The following ADGRB3 variants were observed in gnomAD, a reference collection of about 807,000 sequenced individuals.
ADGRB3 encodes adhesion G protein-coupled receptor B3, also known as brain-specific angiogenesis inhibitor 3.
In ADGRB3, 37 loss-of-function variants were observed where a neutral mutation model predicts 193.4. The ratio of observed to expected loss-of-function variants is 0.19; its 90% CI spans 0.15 to 0.25. The LOEUF is 0.25. Among genes scored for constraint, ADGRB3 ranks in the 10% least tolerant of loss-of-function variants. The pLI is 1.00. For synonymous variants in ADGRB3, 690 were observed against 644.2 expected, an observed-to-expected ratio of 1.07 and a Z score of -1.08; for missense variants, 1,637 against 1,852.9, an observed-to-expected ratio of 0.88 and a Z score of 2.14.
At chr6:68,648,587 A>C (rs974938039) in intron 3 of ADGRB3, among the ~76,000 whole-genome samples, 2 of 151,208 alleles carry the variant, frequency 1.3e-5, no homozygotes, top group African/African-American at 4.9e-5. Context: ...ATGCTTAAAA[A>C]TCATTAAGAA....
intron 16 of ADGRB3, among the ~76,000 whole-genome samples, chr6:69,063,396 TAAAA>T (rs1379065333): frequency 6.6e-6 from 1 of 152,006 alleles, no homozygotes; most frequent in Non-Finnish European, 1.5e-5. Flanking sequence ...ATGAGGTGAG[TAAAA>T]GCCTGTTAAC....
At chr6:69,083,673 T>A (rs1183349322) in intron 17 of ADGRB3, among the ~76,000 whole-genome samples, 1 of 152,132 alleles carries the variant, frequency 6.6e-6, no homozygotes, top group East Asian at 1.9e-4. Flanking sequence ...GATTCCACCA[T>A]TCATTTTTAC....
At chr6:68,966,949 T>A (rs1428245739) in intron 8 of ADGRB3, among the ~76,000 whole-genome samples, 1 of 152,208 alleles carries the variant, frequency 6.6e-6, no homozygotes, top group Non-Finnish European at 1.5e-5. Context: ...AAAGCTATTT[T>A]GCTTTTGGTA....
intron 17 of ADGRB3, among the ~76,000 whole-genome samples, chr6:69,082,159 T>G (rs990470588): frequency 6.6e-6 from 1 of 152,086 alleles, no homozygotes; most frequent in Non-Finnish European, 1.5e-5. Context: ...ACTCCTAAAA[T>G]ATTTACTATT....
At chr6:68,677,271 ATGTAC>A (rs1769115995) in intron 3 of ADGRB3, among the ~76,000 whole-genome samples, 1 of 152,192 alleles carries the variant, frequency 6.6e-6, no homozygotes, top group African/African-American at 2.4e-5. Flanking sequence ...CTAGTAAAAG[ATGTAC>A]TGTCCTCAGT....
intron 17 of ADGRB3, among the ~76,000 whole-genome samples, chr6:69,113,856 A>G (rs1773445514): frequency 6.6e-6 from 1 of 152,202 alleles, no homozygotes; most frequent in South Asian, 2.1e-4. Flanking sequence ...ATTTAGATAG[A>G]TATTAATGAT....
chr6:69,037,828 A>C (rs1157272169), intron 13 of ADGRB3, among the ~76,000 whole-genome samples: 1 of 152,152 alleles, frequency 6.6e-6, no homozygotes, highest in East Asian at 1.9e-4. Flanking sequence ...AGGTGTCGGC[A>C]CAAATGTCAG....
At chr6:68,919,189 A>G (rs1238707319) in intron 3 of ADGRB3, among the ~76,000 whole-genome samples, 1 of 152,192 alleles carries the variant, frequency 6.6e-6, no homozygotes, top group Non-Finnish European at 1.5e-5. Flanking sequence ...CCGGCGTCCT[A>G]TCTTTATATA....
At chr6:68,950,251 C>T (rs1767880218) in intron 6 of ADGRB3, among the ~76,000 whole-genome samples, 1 of 151,994 alleles carries the variant, frequency 6.6e-6, no homozygotes, top group South Asian at 2.1e-4. Flanking sequence ...GCAACACGGT[C>T]CCACTGTATT....
At chr6:69,302,998 A>G (rs1433671725) in intron 20 of ADGRB3, among the ~76,000 whole-genome samples, 1 of 151,958 alleles carries the variant, frequency 6.6e-6, no homozygotes, top group Non-Finnish European at 1.5e-5. Flanking sequence ...ACATAAGACA[A>G]CTTGATGGAG....
chr6:68,875,259 C>A (rs1765567491), intron 3 of ADGRB3, among the ~76,000 whole-genome samples: 1 of 122,884 alleles, frequency 8.1e-6, no homozygotes, highest in African/African-American at 3.1e-5. Context: ...CCTCCCCTCC[C>A]CTCCCTTCCC....
chr6:68,692,068 C>T (rs1245374401), intron 3 of ADGRB3, among the ~76,000 whole-genome samples: 1 of 151,782 alleles, frequency 6.6e-6, no homozygotes, highest in Non-Finnish European at 1.5e-5. Flanking sequence ...ATATACTCAT[C>T]TGCAAAAACC....
chr6:69,195,698 C>T (rs1469438331), intron 17 of ADGRB3, among the ~76,000 whole-genome samples: 1 of 152,006 alleles, frequency 6.6e-6, no homozygotes, highest in Non-Finnish European at 1.5e-5. Flanking sequence ...GAAACCAATA[C>T]ACAAAGTTTT....
intron 20 of ADGRB3, among the ~76,000 whole-genome samples, chr6:69,254,935 C>T (rs1351362617): frequency 2.4e-4 from 35 of 147,538 alleles, no homozygotes; most frequent in African/African-American, 8.2e-4. Context: ...TCAATTCCCA[C>T]CTATGAGTGA....
chr6:69,252,671 T>A (rs908400588), intron 20 of ADGRB3, among the ~76,000 whole-genome samples: 1 of 152,100 alleles, frequency 6.6e-6, no homozygotes, highest in Non-Finnish European at 1.5e-5. Flanking sequence ...TCTGTTCAAG[T>A]CATTTCTCTC....
intron 3 of ADGRB3, among the ~76,000 whole-genome samples, chr6:68,639,776 C>T (rs1176778272): frequency 1.3e-5 from 2 of 152,034 alleles, no homozygotes; most frequent in South Asian, 2.1e-4. Context: ...GACACACACA[C>T]GCCCCACATG....
chr6:68,889,255 T>C (rs1432977376), intron 3 of ADGRB3, among the ~76,000 whole-genome samples: 1 of 152,236 alleles, frequency 6.6e-6, no homozygotes, highest in African/African-American at 2.4e-5. Context: ...CTTCATTTAA[T>C]TCAGCATTTT....
chr6:69,126,232 CACATACATACAT>C (rs780448849), intron 17 of ADGRB3, among the ~76,000 whole-genome samples: 21 of 138,482 alleles, frequency 1.5e-4, no homozygotes, highest in East Asian at 6.3e-4. Context: ...AATAGATACA[CACATACATACAT>C]ACATACATAC....
intron 8 of ADGRB3, among the ~76,000 whole-genome samples, chr6:68,957,949 C>T (rs544032972): frequency 6.6e-6 from 1 of 152,102 alleles, no homozygotes; most frequent in South Asian, 2.1e-4. Flanking sequence ...ACCTGTAATC[C>T]CAGCACTTTG....
Sources: allele counts gnomAD v4.1 joint callset (sites outside exome capture counted in the v4.1 genomes callset), GRCh38; gene constraint gnomAD v4.1.1; transcripts MANE v1.5; gene names NCBI Gene and HGNC (gene_info 2026-07-23, HGNC 2026-07-21).